The following GLIS3 variants were observed in gnomAD, a reference collection of about 807,000 sequenced individuals.
GLIS3 encodes the protein zinc finger protein GLIS3.
Under a neutral mutation model 78.6 loss-of-function variants are expected in GLIS3, and 53 were observed. The ratio of observed to expected loss-of-function variants is 0.67; its 90% CI spans 0.54 to 0.85. The LOEUF is 0.85. GLIS3 is among the 40% of genes least tolerant of loss of function. The probability of loss-of-function intolerance (pLI) is 0.00; values close to 1 mark genes in which losing one functional copy is unlikely to be tolerated. For synonymous variants in GLIS3, 684 were observed against 509.9 expected, an observed-to-expected ratio of 1.34 and a Z score of -4.60; for missense variants, 1,703 against 1,231.1, an observed-to-expected ratio of 1.38 and a Z score of -5.74.
At chr9:3,863,838 T>C (rs1820395130) in intron 8 of GLIS3, among the ~76,000 whole-genome samples, 1 of 152,220 alleles carries the variant, frequency 6.6e-6, no homozygotes, top group South Asian at 2.1e-4. Context: ...TTATTTTTTT[T>C]TCTTCGAAAT....
At chr9:4,303,289 A>ACACG (rs1457619819), upstream of GLIS3, among the ~76,000 whole-genome samples, 5 of 147,922 alleles carry the variant, frequency 3.4e-5, no homozygotes, top group African/African-American at 1.3e-4. Flanking sequence ...ACACACACAC[A>ACACG]CGAGCTGGCA....
chr9:4,406,908 T>C, the GLIS3 span, among the ~76,000 whole-genome samples: 1 of 152,108 alleles, frequency 6.6e-6, no homozygotes, highest in Non-Finnish European at 1.5e-5. Flanking sequence ...CCTATCAAAA[T>C]AACAATTACA....
intron 2 of GLIS3, among the ~76,000 whole-genome samples, chr9:4,338,141 C>G (rs1158820576): frequency 1.3e-5 from 2 of 151,774 alleles, no homozygotes; most frequent in Non-Finnish European, 2.9e-5. Flanking sequence ...TGATTCTAAT[C>G]CTATCGCTTC....
intron 4 of GLIS3, among the ~76,000 whole-genome samples, chr9:3,964,810 G>C (rs1817808325): frequency 6.6e-6 from 1 of 152,110 alleles, no homozygotes; most frequent in Non-Finnish European, 1.5e-5. Context: ...ATGAGTGTGA[G>C]GTAATGCTTT....
At chr9:4,404,437 G>C in the GLIS3 span, among the ~76,000 whole-genome samples, 13 of 152,112 alleles carry the variant, frequency 8.5e-5, no homozygotes, top group Non-Finnish European at 1.9e-4. Flanking sequence ...TCAGTACATG[G>C]ATTTTTCTCA....
chr9:4,330,234 A>T (rs933792727), intron 2 of GLIS3, among the ~76,000 whole-genome samples: 1 of 152,242 alleles, frequency 6.6e-6, no homozygotes, highest in African/African-American at 2.4e-5. Context: ...CTCCCAAGAC[A>T]GCAAGGTGTA....
chr9:4,157,092 A>C (rs996697204), intron 2 of GLIS3, among the ~76,000 whole-genome samples: 1 of 152,168 alleles, frequency 6.6e-6, no homozygotes, highest in Non-Finnish European at 1.5e-5. Flanking sequence ...ATAATTTGTC[A>C]AACTCCTTCA....
At chr9:4,180,377 T>G (rs757143457) in intron 2 of GLIS3, among the ~76,000 whole-genome samples, 14 of 152,186 alleles carry the variant, frequency 9.2e-5, no homozygotes, top group Non-Finnish European at 1.8e-4. Flanking sequence ...AAAGCCTCTC[T>G]GCCTCTTCCT....
At chr9:4,388,571 G>C in the GLIS3 span, among the ~76,000 whole-genome samples, 1 of 152,130 alleles carries the variant, frequency 6.6e-6, no homozygotes, top group Non-Finnish European at 1.5e-5. Context: ...AGCTACGCAG[G>C]AGGCTGAGGC....
At chr9:4,191,043 T>C (rs1394750359) in intron 2 of GLIS3, among the ~76,000 whole-genome samples, 3 of 151,438 alleles carry the variant, frequency 2.0e-5, no homozygotes, top group Non-Finnish European at 4.4e-5. Context: ...GCGCTAAACA[T>C]GGAAAGGAAC....
chr9:4,103,474 C>G (rs1443030817), intron 4 of GLIS3, among the ~76,000 whole-genome samples: 1 of 152,126 alleles, frequency 6.6e-6, no homozygotes, highest in Non-Finnish European at 1.5e-5. Context: ...GAGAGATTAA[C>G]TTATTAAAAG....
At chr9:4,291,158 T>C (rs1458904531) in intron 1 of GLIS3, among the ~76,000 whole-genome samples, 2 of 152,148 alleles carry the variant, frequency 1.3e-5, no homozygotes, top group East Asian at 1.9e-4. Context: ...TTGGTAATTC[T>C]AAGAATATGA....
chr9:4,291,003 T>C (rs570867318), intron 1 of GLIS3, among the ~76,000 whole-genome samples: 1 of 152,184 alleles, frequency 6.6e-6, no homozygotes, highest in South Asian at 2.1e-4. Context: ...AACTGACAAA[T>C]TCATAGAATT....
At chr9:4,042,445 T>C (rs1824897196) in intron 4 of GLIS3, among the ~76,000 whole-genome samples, 2 of 152,326 alleles carry the variant, frequency 1.3e-5, no homozygotes, top group African/African-American at 4.8e-5. Flanking sequence ...CAACTGCTGC[T>C]GGGAATCATC....
intron 4 of GLIS3, among the ~76,000 whole-genome samples, chr9:4,099,867 T>C (rs1215871509): frequency 6.6e-6 from 1 of 152,210 alleles, no homozygotes; most frequent in Non-Finnish European, 1.5e-5. Flanking sequence ...ATTCCTAATA[T>C]TATTTTGGGT....
chr9:4,242,683 C>T (rs1307715557), intron 2 of GLIS3, among the ~76,000 whole-genome samples: 1 of 152,160 alleles, frequency 6.6e-6, no homozygotes, highest in East Asian at 1.9e-4. Flanking sequence ...CTGCATGTGG[C>T]CACTGGGCAC....
At chr9:4,405,854 TA>T in the GLIS3 span, among the ~76,000 whole-genome samples, 1 of 151,892 alleles carries the variant, frequency 6.6e-6, no homozygotes, top group Non-Finnish European at 1.5e-5. Flanking sequence ...AACAATACAT[TA>T]AAAAGATCAT....
At chr9:4,327,927 T>C (rs1185613331) in intron 2 of GLIS3, among the ~76,000 whole-genome samples, 1 of 152,088 alleles carries the variant, frequency 6.6e-6, no homozygotes, top group Non-Finnish European at 1.5e-5. Context: ...TCTGCTGAAA[T>C]TGCATCAAGA....
At chr9:4,296,894 T>C (rs1816564966) in intron 1 of GLIS3, among the ~76,000 whole-genome samples, 1 of 126,258 alleles carries the variant, frequency 7.9e-6, no homozygotes, top group African/African-American at 3.2e-5. Flanking sequence ...CTCAGCTTGT[T>C]CTCAATTGCA....
Sources: allele counts gnomAD v4.1 joint callset (sites outside exome capture counted in the v4.1 genomes callset), GRCh38; gene constraint gnomAD v4.1.1; transcripts MANE v1.5; gene names NCBI Gene and HGNC (gene_info 2026-07-23, HGNC 2026-07-21).